Variants in DISC1 observed in about 807,000 individuals in gnomAD.
The protein encoded by DISC1 is disrupted in schizophrenia 1 protein.
Under a neutral mutation model 84.5 loss-of-function variants are expected in DISC1, and 57 were observed. The observed-to-expected ratio is 0.67, with a 90% CI of 0.55 to 0.84. The LOEUF (loss-of-function observed/expected upper bound fraction) is 0.84, where lower values mean the gene tolerates loss of function less well. Among genes scored for constraint, DISC1 ranks in the 40% least tolerant of loss-of-function variants. DISC1 has a pLI of 0.00. For synonymous variants in DISC1, 411 were observed against 415.2 expected (o/e 0.99, Z 0.12); for missense variants, 1,000 against 1,057.8 (o/e 0.95, Z 0.76).
Position 231,930,903 on chromosome 1 carries a change from C to T in DISC1, c.1982-27925C>T, listed in dbSNP as rs1261722760. Reference sequence around the variant, plus strand: ...CTGTGAGCAGAGGTGTGGGTGGAGGCCCAGAAGCCAGGCTACCATTTGGGA... The same window carrying T: ...CTGTGAGCAGAGGTGTGGGTGGAGGTCCAGAAGCCAGGCTACCATTTGGGA... On this transcript the variant is annotated intron_variant, in intron 9 of 12. Coordinates refer to ENST00000439617, the MANE Select transcript of DISC1 (RefSeq NM_018662.3). Among the ~76,000 whole-genome samples, 3 of 152,158 alleles carry T rather than the reference C, an allele frequency of 2.0e-5. No homozygotes were observed. The East Asian group carries it at 5.8e-4, about 29-fold the overall frequency.
chr1:231,650,106 T>C (rs2060488524), intron 1 of DISC1, among the ~76,000 whole-genome samples: 1 of 152,238 alleles, frequency 6.6e-6, no homozygotes, highest in Non-Finnish European at 1.5e-5. Flanking sequence ...CCCATCATTA[T>C]GATGTTAGCT....
chr1:231,863,927 T>C (rs1031121203), intron 9 of DISC1, among the ~76,000 whole-genome samples: 3 of 152,088 alleles, frequency 2.0e-5, no homozygotes, highest in African/African-American at 7.3e-5. Flanking sequence ...AGGAAATCAC[T>C]GTGTCGCCTG....
chr1:232,033,703 AAAG>A (rs1160104507), intron 12 of DISC1, among the ~76,000 whole-genome samples: 10 of 152,216 alleles, frequency 6.6e-5, no homozygotes, highest in African/African-American at 9.6e-5. Flanking sequence ...TGAGTGAAAG[AAAG>A]AAAGAGGATC....
intron 3 of DISC1, among the ~76,000 whole-genome samples, chr1:231,748,070 T>C (rs2074207169): frequency 1.3e-5 from 2 of 152,228 alleles, no homozygotes; most frequent in Non-Finnish European, 2.9e-5. Flanking sequence ...CCACTGGTTT[T>C]TGTATATTAA....
At chr1:231,890,900 AT>A (rs1260648080) in intron 9 of DISC1, among the ~76,000 whole-genome samples, 2 of 151,892 alleles carry the variant, frequency 1.3e-5, no homozygotes, top group African/African-American at 4.8e-5. Flanking sequence ...AGCATTTTTA[AT>A]TTTTTTAATA....
intron 9 of DISC1, among the ~76,000 whole-genome samples, chr1:231,831,020 A>G (rs2082183285): frequency 6.6e-6 from 1 of 152,206 alleles, no homozygotes. Flanking sequence ...CTGAGGAATT[A>G]TGTCTGACAG....
intron 10 of DISC1, among the ~76,000 whole-genome samples, chr1:231,978,477 C>T (rs2102857819): frequency 6.6e-6 from 1 of 152,238 alleles, no homozygotes; most frequent in South Asian, 2.1e-4. Context: ...GAAAGAAAGA[C>T]AGGAGAAATG....
intron 2 of DISC1, among the ~76,000 whole-genome samples, chr1:231,696,034 C>T (rs1378740831): frequency 1.3e-5 from 2 of 152,118 alleles, no homozygotes; most frequent in Non-Finnish European, 2.9e-5. Flanking sequence ...TGTCTTTCCC[C>T]GAAACCCGTT....
At chr1:231,884,432 CT>C (rs1473452206) in intron 9 of DISC1, among the ~76,000 whole-genome samples, 1 of 152,100 alleles carries the variant, frequency 6.6e-6, no homozygotes, top group Admixed American at 6.5e-5. Flanking sequence ...TGATTTCCTT[CT>C]TTTTTTGTGG....
rs781777427 is a variant in DISC1, at chr1:232,026,564, A to G, written c.2425+12A>G. On this transcript the variant is annotated intron_variant, in intron 12 of 12. Transcript: ENST00000439617. ...TGAAGATCTCATTCATATCCTTTTC[A>G]TCTTGCAGATGAAGCAAGGCAAAGT... 21 of 1,574,734 alleles carry G rather than the reference A, an allele frequency of 1.3e-5. No homozygotes were observed. The highest frequency in any genetic ancestry group is 1.8e-5 in the Admixed American group (1 of 56,576).
At chr1:231,716,779 A>T (rs2068790018) in intron 3 of DISC1, among the ~76,000 whole-genome samples, 1 of 152,166 alleles carries the variant, frequency 6.6e-6, no homozygotes, top group Admixed American at 6.5e-5. Flanking sequence ...TAATCTTTCC[A>T]TTTAAAATGG....
chr1:232,000,269 A>G (rs1666509781), intron 10 of DISC1, among the ~76,000 whole-genome samples: 2 of 152,234 alleles, frequency 1.3e-5, no homozygotes, highest in Non-Finnish European at 2.9e-5. Context: ...TTTAAAAACC[A>G]AATGTAAATT....
chr1:231,902,357 A>C (rs1024047029), intron 9 of DISC1, among the ~76,000 whole-genome samples: 8 of 152,142 alleles, frequency 5.3e-5, no homozygotes, highest in African/African-American at 1.4e-4. Context: ...TAATCACTAT[A>C]TGGGAGGCCG....
chr1:231,922,833 T>G (rs905575360), intron 9 of DISC1, among the ~76,000 whole-genome samples: 3 of 152,162 alleles, frequency 2.0e-5, no homozygotes, highest in African/African-American at 7.2e-5. Flanking sequence ...TCAGAGCACC[T>G]TCTGTGTTTT....
At chr1:231,969,613 ATTATAC>A (rs1361665838) in intron 10 of DISC1, among the ~76,000 whole-genome samples, 3 of 102,254 alleles carry the variant, frequency 2.9e-5, no homozygotes, top group African/African-American at 1.1e-4. Flanking sequence ...TTTTTTTTTT[ATTATAC>A]TTTAAGTTCT....
chr1:231,862,874 T>G (rs527621670), intron 9 of DISC1, among the ~76,000 whole-genome samples: 17 of 152,330 alleles, frequency 1.1e-4, no homozygotes, highest in African/African-American at 3.6e-4. Flanking sequence ...GAATACTTTA[T>G]GAATATTAGT....
intron 6 of DISC1, among the ~76,000 whole-genome samples, chr1:231,793,132 A>G (rs2078475613): frequency 6.6e-6 from 1 of 152,224 alleles, no homozygotes; most frequent in Admixed American, 6.5e-5. Context: ...ATCAAAATAT[A>G]GTTCTTACAG....
intron 3 of DISC1, among the ~76,000 whole-genome samples, chr1:231,706,838 A>C (rs1441516829): frequency 6.6e-6 from 1 of 152,166 alleles, no homozygotes; most frequent in Non-Finnish European, 1.5e-5. Context: ...TTATGTCTTG[A>C]GCAAGATTTC....
Position 232,009,116 on chromosome 1 carries a change from C to A in DISC1, c.2307+67C>A. On this transcript the variant is annotated intron_variant, in intron 11 of 12. Coordinates refer to ENST00000439617, the MANE Select transcript of DISC1 (RefSeq NM_018662.3). This position sits in a 1 kb window ranked among gnomAD's most constrained non-coding sequence, Gnocchi z 4.6. ...TAAGGGGTGCTTTGGGACCATGCTCCAAATGGGAACAATAAATATTGGGAA... is the reference window on the plus strand; with the variant it reads ...TAAGGGGTGCTTTGGGACCATGCTCAAAATGGGAACAATAAATATTGGGAA... 1 of 1,603,532 alleles carries A rather than the reference C, an allele frequency of 6.2e-7. No individual in the cohort carries two copies. Among genetic ancestry groups the A allele is most frequent in the East Asian group, 2.2e-5 (1 of 44,628 alleles).
Sources: gnomAD v4.1 joint callset for allele counts (sites outside exome capture counted in the v4.1 genomes callset) on GRCh38, gnomAD v4.1.1 for gene constraint, Gnocchi (gnomAD v3.1) non-coding constraint, MANE v1.5 for transcripts, NCBI Gene and HGNC (gene_info 2026-07-23, HGNC 2026-07-21) for gene names.